USP32: variants seen among roughly 807,000 people sequenced by gnomAD.
USP32 encodes ubiquitin carboxyl-terminal hydrolase 32.
USP32 carries 59 observed loss-of-function variants against 204.8 expected under a neutral mutation model. That is an observed-to-expected ratio of 0.29 (90% CI 0.23 to 0.36). USP32 has a LOEUF of 0.36. Ranked by LOEUF, USP32 falls within the 10% of genes least tolerant of loss-of-function variation. The pLI is 1.00. For missense variants in USP32, 1,160 were observed against 1,946.4 expected (o/e 0.60, Z 7.60); for synonymous variants, 517 against 678.4 (o/e 0.76, Z 3.70).
chr17:60,292,549 G>C (rs2087309477), intron 4 of USP32, among the ~76,000 whole-genome samples: 2 of 152,032 alleles, frequency 1.3e-5, no homozygotes, highest in Admixed American at 1.3e-4. Context: ...TACTCATTCT[G>C]TCACATAGTC....
In USP32 at chr17:60,216,405, A is replaced by C. The variant is rs539237322; in HGVS notation, c.1868-1631T>G. Among the ~76,000 whole-genome samples the C allele has an allele frequency of 9.2e-5, 14 of 152,084 alleles. No individual in the cohort carries two copies. The South Asian group carries it at 2.9e-3, about 32-fold the overall frequency. On this transcript the variant is annotated intron_variant, in intron 16 of 33. Transcript: ENST00000300896. ...GAGGCTGTATTTTATTGAGCAACCC[A>C]ACTTAAAAATATAAACTTATCAATA...
At chr17:60,313,809 T>C (rs2087910031) in intron 2 of USP32, among the ~76,000 whole-genome samples, 1 of 152,170 alleles carries the variant, frequency 6.6e-6, no homozygotes, top group South Asian at 2.1e-4. Flanking sequence ...AAGTGTGTGC[T>C]AGAATAAAAT....
intron 1 of USP32, among the ~76,000 whole-genome samples, chr17:60,348,103 C>G (rs1209974922): frequency 1.4e-5 from 2 of 147,998 alleles, no homozygotes; most frequent in Non-Finnish European, 3.0e-5. Flanking sequence ...GCCTGGGCAA[C>G]AGAGCGAGAC....
chr17:60,214,638 C>A lies in USP32; in HGVS notation c.2004G>T (p.Leu668=). 1 of 1,613,534 alleles carries A rather than the reference C, an allele frequency of 6.2e-7. No individual in the cohort carries two copies. The highest frequency in any genetic ancestry group is 8.5e-7 in the Non-Finnish European group (1 of 1,179,588). ...RLRIKEEDMR[L]WLYNSENYLT... ...CTCTTACCTCACTGTTGTATAGCCACAGGCGCATATCTTCCTCTTTAATGC... is the reference window on the plus strand; with the variant it reads ...CTCTTACCTCACTGTTGTATAGCCAAAGGCGCATATCTTCCTCTTTAATGC... Residue 668 remains leucine, a synonymous_variant, in exon 17 of 34, where the codon CTG becomes CTT. Transcript: ENST00000300896.
intron 9 of USP32, among the ~76,000 whole-genome samples, chr17:60,264,770 A>C (rs1016274192): frequency 6.6e-6 from 1 of 151,336 alleles, no homozygotes; most frequent in Non-Finnish European, 1.5e-5. Flanking sequence ...TGAGGCAAGA[A>C]AATCACTTGA....
At chr17:60,366,077 A>G (rs2089306629) in intron 1 of USP32, among the ~76,000 whole-genome samples, 1 of 152,180 alleles carries the variant, frequency 6.6e-6, no homozygotes, top group Non-Finnish European at 1.5e-5. Context: ...TCCCAGGTTC[A>G]AGAGATTCAC....
At chr17:60,255,298 C>CTTTTTTTTTTTTT (rs747340163) in intron 9 of USP32, 40 bp from the exon 10 acceptor site, 2 of 1,101,230 alleles carry the variant, frequency 1.8e-6, no homozygotes, top group African/African-American at 1.8e-5. Flanking sequence ...TCTTTTTTTT[C>CTTTTTTTTTTTTT]TTTTTTTTTT....
chr17:60,293,594 T>C (rs1206151865), intron 4 of USP32, among the ~76,000 whole-genome samples: 1 of 152,158 alleles, frequency 6.6e-6, no homozygotes, highest in African/African-American at 2.4e-5. Context: ...AAAAACTGCA[T>C]GCTAGGCTCA....
intron 1 of USP32, among the ~76,000 whole-genome samples, chr17:60,354,495 G>A (rs1015980851): frequency 2.6e-5 from 4 of 152,154 alleles, no homozygotes; most frequent in Non-Finnish European, 5.9e-5. Context: ...CCTAGGACAA[G>A]AAGAAATTGT....
At chr17:60,392,293 G>C, upstream of USP32, 1 of 358,760 alleles carries the variant, frequency 2.8e-6, no homozygotes, top group South Asian at 2.9e-5. Context: ...ACTGTTCCCG[G>C]TAACGGCCGC....
chr17:60,290,925 T>G (rs1349155957), intron 4 of USP32, among the ~76,000 whole-genome samples: 1 of 152,208 alleles, frequency 6.6e-6, no homozygotes, highest in African/African-American at 2.4e-5. Context: ...GATCTGATGC[T>G]ATCTCCAGGT....
At chr17:60,390,615 G>T (rs562401964) in intron 1 of USP32, among the ~76,000 whole-genome samples, 27 of 152,272 alleles carry the variant, frequency 1.8e-4, no homozygotes, top group Middle Eastern at 3.4e-3. Flanking sequence ...TCTCAATTCT[G>T]TATCTTACTG....
intron 26 of USP32, 111 bp downstream of exon 26, chr17:60,205,334 TTA>T: frequency 7.2e-7 from 1 of 1,390,438 alleles, no homozygotes; most frequent in South Asian, 2.0e-5. Context: ...TTTTAAAAAA[TTA>T]AAGAAAAGAA....
chr17:60,225,952 CAAAAAAA>C (rs11309727), intron 13 of USP32, 80 bp downstream of exon 13: 8 of 1,013,596 alleles, frequency 7.9e-6, no homozygotes, highest in African/African-American at 4.0e-5. Flanking sequence ...AACTCAGTCT[CAAAAAAA>C]AAAAAAAAAA....
chr17:60,230,126 C>A (rs773409588), intron 12 of USP32, among the ~76,000 whole-genome samples: 20 of 152,088 alleles, frequency 1.3e-4, no homozygotes, highest in Non-Finnish European at 2.4e-4. Context: ...AAATTACTTT[C>A]TAAAAAATTT....
chr17:60,189,989 T>C (rs1204957636), intron 29 of USP32, among the ~76,000 whole-genome samples: 3 of 152,248 alleles, frequency 2.0e-5, no homozygotes, highest in African/African-American at 7.2e-5. Context: ...TGTTGAAATC[T>C]GATTCCCAAT....
chr17:60,320,535 T>C (rs1453505214), intron 2 of USP32, among the ~76,000 whole-genome samples: 2 of 151,974 alleles, frequency 1.3e-5, no homozygotes, highest in Non-Finnish European at 1.5e-5. Flanking sequence ...GTGCACACCG[T>C]TGGGATGAGG....
Position 60,267,549 on chromosome 17 carries a change from A to G in USP32, c.812-1458T>C, listed in dbSNP as rs578091433. Among the ~76,000 whole-genome samples the G allele has an allele frequency of 2.7e-5, 4 of 149,868 alleles. No homozygotes were observed. In the South Asian group the frequency reaches 8.4e-4, roughly 32 times the overall value. On this transcript the variant is annotated intron_variant, in intron 7 of 33. Transcript: ENST00000300896. ...CTCTTTTTTTTTTCTTTTTTTTGAG[A>G]TGGCGTCTCGCTCTGTCACCCAGGC...
chr17:60,349,261 C>T (rs1240089620), intron 1 of USP32, among the ~76,000 whole-genome samples: 1 of 150,710 alleles, frequency 6.6e-6, no homozygotes, highest in African/African-American at 2.4e-5. Context: ...ATTTGAAGAA[C>T]TACTTGGTAA....
Sources: gnomAD v4.1 joint callset for allele counts (sites outside exome capture counted in the v4.1 genomes callset) on GRCh38, gnomAD v4.1.1 for gene constraint, MANE v1.5 for transcripts, NCBI Gene and HGNC (gene_info 2026-07-23, HGNC 2026-07-21) for gene names.